GRM1: variants seen among roughly 807,000 people sequenced by gnomAD.
The protein encoded by GRM1 is glutamate metabotropic receptor 1.
In GRM1, 33 loss-of-function variants were observed where a neutral mutation model predicts 90.9. That is an observed-to-expected ratio of 0.36 (90% confidence interval 0.28 to 0.49). GRM1 has a LOEUF of 0.49. Ranked by LOEUF, GRM1 falls within the 20% of genes least tolerant of loss-of-function variation. GRM1 has a pLI of 0.99. For missense variants in GRM1, 1,190 were observed against 1,534.3 expected (o/e 0.78, Z 3.75); for synonymous variants, 700 against 613.2 (o/e 1.14, Z -2.09).
intron 3 of GRM1, among the ~76,000 whole-genome samples, chr6:146,320,495 G>A (rs975465199): frequency 3.3e-5 from 5 of 152,128 alleles, no homozygotes; most frequent in Non-Finnish European, 5.9e-5. Flanking sequence ...GAGTTAGGGA[G>A]GAGTCCCTCT....
At chr6:146,396,102 ATCG>A (rs1489196193) in intron 6 of GRM1, among the ~76,000 whole-genome samples, 4 of 151,050 alleles carry the variant, frequency 2.6e-5, no homozygotes, top group African/African-American at 9.7e-5. Flanking sequence ...CTATCTATCT[ATCG>A]TCTATATATA....
At chr6:146,177,940 C>G (rs1583118327) in intron 2 of GRM1, among the ~76,000 whole-genome samples, 1 of 152,226 alleles carries the variant, frequency 6.6e-6, no homozygotes, top group South Asian at 2.1e-4. Context: ...AGAAAAACTG[C>G]TAAGATAGGT....
At chr6:146,230,374 G>A (rs193140659) in intron 2 of GRM1, among the ~76,000 whole-genome samples, 4 of 152,156 alleles carry the variant, frequency 2.6e-5, no homozygotes, top group Admixed American at 6.5e-5. Flanking sequence ...TCACCTCACC[G>A]AAGAAGGTAT....
rs1778618450 is a variant in GRM1, at chr6:146,437,176, T to G, written c.*2380T>G. On this transcript the variant is annotated 3_prime_UTR_variant, in exon 8 of 8. Coordinates refer to ENST00000282753, the MANE Select transcript of GRM1 (RefSeq NM_001278064.2). Reference sequence around the variant, plus strand: ...TCTTTATTAGTGAATCATGCTTATTTTTTACTCTTAATGCCACTAATATAC... The same window carrying G: ...TCTTTATTAGTGAATCATGCTTATTGTTTACTCTTAATGCCACTAATATAC... 2 of 152,186 alleles carry G rather than the reference T, an allele frequency of 1.3e-5. No homozygotes were observed. The allele number at this position is 152,186 out of a possible 1,614,324, so 9.4% of individuals were successfully genotyped here.
chr6:146,265,632 G>A (rs1781856246), intron 2 of GRM1, among the ~76,000 whole-genome samples: 1 of 151,958 alleles, frequency 6.6e-6, no homozygotes, highest in Non-Finnish European at 1.5e-5. Flanking sequence ...CTTTTTCCTG[G>A]GTTTTCTTGT....
At position 146,433,855 on chromosome 6, in the gene GRM1, C is replaced by A. The variant is rs755979297; in HGVS notation, c.2661-17C>A. 6.5e-7 allele frequency: 1 copy of A among 1,545,444 alleles called. No homozygotes were observed. The highest frequency in any genetic ancestry group is 2.2e-5 in the East Asian group (1 of 44,562). ...ATGATCTATCTGCAAATAAATCCAT[C>A]TCTATTTTATTCATAGTTCTAATGG... On this transcript the variant is annotated splice_polypyrimidine_tract_variant and intron_variant, in intron 7 of 7. Coordinates refer to ENST00000282753, the MANE Select transcript of GRM1 (RefSeq NM_001278064.2).
intron 1 of GRM1, among the ~76,000 whole-genome samples, chr6:146,065,060 A>T (rs564876173): frequency 1.3e-3 from 191 of 152,208 alleles, no homozygotes; most frequent in African/African-American, 4.5e-3. Context: ...TTTTAATATT[A>T]AAAAAATATA....
chr6:146,185,854 T>C (rs951064182), intron 2 of GRM1, among the ~76,000 whole-genome samples: 34 of 152,252 alleles, frequency 2.2e-4, no homozygotes, highest in Non-Finnish European at 4.3e-4. Flanking sequence ...TTAGAGAGAG[T>C]AATACCATTA....
intron 1 of GRM1, among the ~76,000 whole-genome samples, chr6:146,075,156 A>G (rs1377641337): frequency 2.0e-5 from 3 of 152,198 alleles, no homozygotes; most frequent in African/African-American, 4.8e-5. Flanking sequence ...TTTGCAAATA[A>G]CAAGGAGATA....
chr6:146,205,153 G>A (rs1779450636), intron 2 of GRM1, among the ~76,000 whole-genome samples: 1 of 152,140 alleles, frequency 6.6e-6, no homozygotes, highest in African/African-American at 2.4e-5. Context: ...TTGAGGACAT[G>A]TTTTAGAGTA....
rs11309395 is a variant in GRM1, at chr6:146,295,390, A to ATT, written c.951-9209_951-9208dup. 1.7e-3 allele frequency among the ~76,000 whole-genome samples: 243 copies of ATT among 146,304 alleles called. 2 individuals are homozygous for ATT. Among genetic ancestry groups the ATT allele is most frequent in the East Asian group, 4.2e-3 (21 of 4,962 alleles). On this transcript the variant is annotated intron_variant, in intron 2 of 7. Transcript: ENST00000282753. ...AGGTGCCCACCCCCATGCCCGGCTAATTTTTTTTTTTTTGTAGTTTTTAGT... is the reference window on the plus strand; with the variant it reads ...AGGTGCCCACCCCCATGCCCGGCTAATTTTTTTTTTTTTTTGTAGTTTTTAGT...
At chr6:146,238,850 C>G (rs1204255255) in intron 2 of GRM1, among the ~76,000 whole-genome samples, 1 of 152,014 alleles carries the variant, frequency 6.6e-6, no homozygotes, top group Non-Finnish European at 1.5e-5. Context: ...TAATATGCAC[C>G]CTTGCCTCTC....
chr6:146,375,254 A>T (rs1776052943), intron 5 of GRM1, among the ~76,000 whole-genome samples: 1 of 151,912 alleles, frequency 6.6e-6, no homozygotes, highest in Non-Finnish European at 1.5e-5. Context: ...TATTATTTAA[A>T]TTTTTTGAAT....
chr6:146,223,549 A>C (rs766103736), intron 2 of GRM1, among the ~76,000 whole-genome samples: 4 of 152,102 alleles, frequency 2.6e-5, no homozygotes, highest in Non-Finnish European at 4.4e-5. Context: ...ATTTCATGCC[A>C]AAAGGAGGAA....
chr6:146,072,908 G>T (rs888775033), intron 1 of GRM1, among the ~76,000 whole-genome samples: 4 of 152,026 alleles, frequency 2.6e-5, no homozygotes, highest in Admixed American at 6.6e-5. Context: ...TAAGAAATGG[G>T]ACTTGCTGCC....
intron 7 of GRM1, among the ~76,000 whole-genome samples, chr6:146,400,432 G>A (rs988976450): frequency 6.6e-6 from 1 of 152,112 alleles, no homozygotes; most frequent in African/African-American, 2.4e-5. Context: ...AGGGAACCAG[G>A]TGATAAGCCC....
At chr6:146,044,645 G>T (rs749849020) in intron 1 of GRM1, among the ~76,000 whole-genome samples, 1 of 152,064 alleles carries the variant, frequency 6.6e-6, no homozygotes, top group African/African-American at 2.4e-5. Flanking sequence ...TCTTTGGCTA[G>T]AAGCACCAAA....
intron 2 of GRM1, among the ~76,000 whole-genome samples, chr6:146,277,309 G>C (rs1432583579): frequency 6.6e-6 from 1 of 152,172 alleles, no homozygotes; most frequent in East Asian, 1.9e-4. Flanking sequence ...ATGCCCCTTG[G>C]TAGCTCCTGG....
At chr6:146,369,232 T>G in intron 5 of GRM1, among the ~76,000 whole-genome samples, 1 of 151,952 alleles carries the variant, frequency 6.6e-6, no homozygotes. Context: ...TCTTTTTTTC[T>G]TAGCTTGTCT....
Sources: gnomAD v4.1 joint callset for allele counts (sites outside exome capture counted in the v4.1 genomes callset) on GRCh38, gnomAD v4.1.1 for gene constraint, MANE v1.5 for transcripts, NCBI Gene and HGNC (gene_info 2026-07-23, HGNC 2026-07-21) for gene names.